Variants in SRSF9 observed in about 807,000 individuals in gnomAD.
SRSF9 encodes the protein serine and arginine rich splicing factor 9.
In SRSF9, 3 loss-of-function variants were observed where a neutral mutation model predicts 25.9. The ratio of observed to expected loss-of-function variants is 0.12; its 90% confidence interval spans 0.05 to 0.30. The LOEUF (loss-of-function observed/expected upper bound fraction) is 0.30. Ranked by LOEUF, SRSF9 falls within the 10% of genes least tolerant of loss-of-function variation. SRSF9 has a pLI of 1.00. For missense variants in SRSF9, 161 were observed against 303.5 expected, an observed-to-expected ratio of 0.53 and a Z score of 3.49; for synonymous variants, 114 against 113.2, an observed-to-expected ratio of 1.01 and a Z score of -0.05.
intron 3 of SRSF9, chr12:120,462,489 A>C (rs555347578): frequency 9.8e-6 from 2 of 203,416 alleles, no homozygotes; most frequent in East Asian, 1.4e-4. Flanking sequence ...AAAGCTAAGA[A>C]CTGGAAAGGA....
chr12:120,463,742 AAAAC>A, intron 3 of SRSF9: 1 of 529,246 alleles, frequency 1.9e-6, no homozygotes, highest in East Asian at 3.0e-5. Flanking sequence ...AGCATATTAA[AAAAC>A]AAACGTACCA....
At chr12:120,469,382 A>C in intron 1 of SRSF9, 40 bp downstream of exon 1, 1 of 1,503,886 alleles carries the variant, frequency 6.6e-7, no homozygotes, top group Non-Finnish European at 9.0e-7. Flanking sequence ...CGGGGGCCTC[A>C]GGCACCGAGG....
intron 1 of SRSF9, among the ~76,000 whole-genome samples, chr12:120,466,062 A>AG (rs1878475680): frequency 6.6e-6 from 1 of 152,258 alleles, no homozygotes; most frequent in Admixed American, 6.5e-5. Flanking sequence ...GCTAATTCAG[A>AG]GAAAAAAAAG....
intron 2 of SRSF9, 144 bp downstream of exon 2, chr12:120,465,483 C>G (rs1878461520): frequency 1.1e-6 from 1 of 870,372 alleles, no homozygotes; most frequent in African/African-American, 1.8e-5. Context: ...CATTGGCAAT[C>G]CAGGGCAAGG....
In SRSF9 at chr12:120,469,674, C is replaced by T; in HGVS notation, c.-65G>A. 2 of 1,071,806 alleles carry T rather than the reference C, an allele frequency of 1.9e-6. No individual in the cohort carries two copies. Among genetic ancestry groups the T allele is most frequent in the Non-Finnish European group, 2.3e-6 (2 of 851,658 alleles). The allele number at this position is 1,071,806 out of a possible 1,614,324, so 66.4% of individuals were successfully genotyped here. A position where few individuals can be genotyped will look rare whatever the true frequency, so the allele number is the denominator to read the frequency against. ...CGCCGCCGCCGCCTCAGCACGGGTCCCCCCGCAGCGTCCCCGCGGGCTCCG... is the reference window on the plus strand; with the variant it reads ...CGCCGCCGCCGCCTCAGCACGGGTCTCCCCGCAGCGTCCCCGCGGGCTCCG... On this transcript the variant is annotated 5_prime_UTR_variant, in exon 1 of 4. Coordinates refer to ENST00000229390, the MANE Select transcript of SRSF9 (RefSeq NM_003769.3).
At chr12:120,468,952 G>C (rs1410367338) in intron 1 of SRSF9, among the ~76,000 whole-genome samples, 1 of 152,032 alleles carries the variant, frequency 6.6e-6, no homozygotes, top group African/African-American at 2.4e-5. Context: ...TATTCCACCA[G>C]AGATCCCTCC....
At chr12:120,465,954 G>A (rs1878473557) in intron 1 of SRSF9, among the ~76,000 whole-genome samples, 167 bp from the exon 2 acceptor site, 1 of 152,146 alleles carries the variant, frequency 6.6e-6, no homozygotes. Context: ...TTGGTTTGGA[G>A]ACGTTTCATG....
At chr12:120,464,304 C>A in intron 2 of SRSF9, 182 bp from the exon 3 acceptor site, 5 of 641,300 alleles carry the variant, frequency 7.8e-6, no homozygotes, top group Non-Finnish European at 1.2e-5. Context: ...GGTAAATGAA[C>A]CACCTTGAGA....
At chr12:120,465,875 G>A in intron 1 of SRSF9, 88 bp from the exon 2 acceptor site, 2 of 1,315,158 alleles carry the variant, frequency 1.5e-6, no homozygotes, top group Non-Finnish European at 2.0e-6. Context: ...GGCATGAGTA[G>A]TAAGCATAAA....
At chr12:120,466,775 A>T (rs1413365937) in intron 1 of SRSF9, among the ~76,000 whole-genome samples, 2 of 152,146 alleles carry the variant, frequency 1.3e-5, no homozygotes, top group African/African-American at 4.8e-5. Context: ...GGCTCAGGCG[A>T]TCCTTCCCCT....
intron 3 of SRSF9, 128 bp from the exon 4 acceptor site, chr12:120,462,290 G>T: frequency 1.0e-6 from 1 of 969,710 alleles, no homozygotes; most frequent in Non-Finnish European, 1.5e-6. Flanking sequence ...CCTGGCATGA[G>T]GCTATCTCAT....
intron 2 of SRSF9, chr12:120,465,235 C>T (rs1878456226): frequency 6.4e-6 from 1 of 156,942 alleles, no homozygotes; most frequent in Admixed American, 6.5e-5. Flanking sequence ...AAAACCACCA[C>T]AAAATCTGAT....
Position 120,465,803 on chromosome 12 carries a change from AC to A in SRSF9, c.189-17del, listed in dbSNP as rs1231633189. The A allele has an allele frequency of 1.9e-6, 3 of 1,566,192 alleles. No individual in the cohort carries two copies. The highest frequency in any genetic ancestry group is 2.3e-5 in the East Asian group (1 of 43,084). Reference sequence around the variant, plus strand: ...CTCTGCATCTCTAAAAAAAACAACAACAACAAAAAAAACGTTTGGAGTTAGT... The same window carrying A: ...CTCTGCATCTCTAAAAAAAACAACAAAACAAAAAAAACGTTTGGAGTTAGT... On this transcript the variant is annotated splice_polypyrimidine_tract_variant and intron_variant, in intron 1 of 3. Coordinates refer to ENST00000229390, the MANE Select transcript of SRSF9 (RefSeq NM_003769.3).
At chr12:120,468,723 G>C (rs889047206) in intron 1 of SRSF9, among the ~76,000 whole-genome samples, 2 of 152,192 alleles carry the variant, frequency 1.3e-5, no homozygotes, top group African/African-American at 4.8e-5. Context: ...CCTGAGGGCC[G>C]ACGCTGTTTG....
chr12:120,465,369 A>G, intron 2 of SRSF9: 1 of 313,854 alleles, frequency 3.2e-6, no homozygotes, highest in Admixed American at 5.1e-5. Flanking sequence ...AAGTTTTCCC[A>G]TCATCTTTCC....
chr12:120,464,203 CTTT>C lies in SRSF9; in HGVS notation c.350-84_350-82del, dbSNP rs374051283. ...TTAAGAGCCAGCAATACCTATGGTC[CTTT>C]CTCCATGATCACTTAAATCCTGAGG... is the stretch of plus-strand genomic sequence containing the variant. On this transcript the variant is annotated intron_variant, in intron 2 of 3. Transcript: ENST00000229390. 49 of 1,489,962 alleles carry C rather than the reference CTTT, an allele frequency of 3.3e-5. No individual in the cohort carries two copies. The African/African-American group carries it at 6.2e-4, about 19-fold the overall frequency. The allele number at this position is 1,489,962 out of a possible 1,614,324, so 92.3% of individuals were successfully genotyped here.
intron 1 of SRSF9, among the ~76,000 whole-genome samples, chr12:120,469,025 G>A (rs1487772429): frequency 1.3e-5 from 2 of 152,128 alleles, no homozygotes; most frequent in African/African-American, 4.8e-5. Flanking sequence ...GCACGGGCCG[G>A]GGGAGAGGCG....
chr12:120,469,104 C>T (rs954624411), intron 1 of SRSF9, among the ~76,000 whole-genome samples: 9 of 152,120 alleles, frequency 5.9e-5, no homozygotes, highest in African/African-American at 2.2e-4. Flanking sequence ...CTGCCCCAGG[C>T]AGGAGGCGGA....
chr12:120,462,403 A>G (rs1346842375), intron 3 of SRSF9: 1 of 385,492 alleles, frequency 2.6e-6, no homozygotes, highest in East Asian at 4.4e-5. Context: ...TAACACAATA[A>G]ATGCCAATTT....
Sources: gnomAD v4.1 joint callset for allele counts (sites outside exome capture counted in the v4.1 genomes callset) on GRCh38, gnomAD v4.1.1 for gene constraint, MANE v1.5 for transcripts, NCBI Gene and HGNC (gene_info 2026-07-23, HGNC 2026-07-21) for gene names.